DHX34: variants seen among roughly 807,000 people sequenced by gnomAD.
The protein encoded by DHX34 is DExH-box helicase 34.
In DHX34, 96 loss-of-function variants were observed where a neutral mutation model predicts 111.1. The ratio of observed to expected loss-of-function variants is 0.86; its 90% CI spans 0.73 to 1.02. The LOEUF (loss-of-function observed/expected upper bound fraction) is 1.02, where lower values mean the gene tolerates loss of function less well. Among genes scored for constraint, DHX34 ranks in the 50% least tolerant of loss-of-function variants. The pLI is 0.00. For synonymous variants in DHX34, 688 were observed against 670.4 expected (o/e 1.03, Z -0.41); for missense variants, 1,560 against 1,579.9 (o/e 0.99, Z 0.21).
intron 1 of DHX34, among the ~76,000 whole-genome samples, chr19:47,350,420 ATT>A (rs113841688): frequency 0.021 from 2,937 of 137,712 alleles, 41 homozygotes; most frequent in Middle Eastern, 0.044. Context: ...ACAAAAATGA[ATT>A]TTTTTTTTTT....
intron 13 of DHX34, among the ~76,000 whole-genome samples, chr19:47,379,054 G>T (rs1970261519): frequency 6.6e-6 from 1 of 152,054 alleles, no homozygotes. Context: ...GCTTGAACCT[G>T]GGAGGTGGAG....
intron 6 of DHX34, 111 bp from the exon 7 acceptor site, chr19:47,366,870 G>A (rs1038450386): frequency 1.2e-5 from 17 of 1,387,792 alleles, no homozygotes; most frequent in African/African-American, 8.9e-5. Flanking sequence ...CACAACGCCC[G>A]GCCAACACTA....
At chr19:47,355,926 G>A (rs1329457483) in intron 3 of DHX34, among the ~76,000 whole-genome samples, 1 of 152,094 alleles carries the variant, frequency 6.6e-6, no homozygotes, top group African/African-American at 2.4e-5. Context: ...AGTGTGGCTG[G>A]TCCAGGCTGT....
At chr19:47,376,653 A>T in intron 12 of DHX34, 93 bp downstream of exon 12, 1 of 1,498,094 alleles carries the variant, frequency 6.7e-7, no homozygotes, top group Non-Finnish European at 8.9e-7. Context: ...GGGCTCCCAC[A>T]CCGGCCCAGG....
intron 1 of DHX34, among the ~76,000 whole-genome samples, chr19:47,350,363 C>T (rs1969247906): frequency 6.6e-6 from 1 of 151,990 alleles, no homozygotes; most frequent in African/African-American, 2.4e-5. Flanking sequence ...GTGATTGTGC[C>T]ACTGCACTTC....
intron 13 of DHX34, among the ~76,000 whole-genome samples, chr19:47,378,619 C>T (rs925408233): frequency 6.6e-6 from 1 of 152,078 alleles, no homozygotes; most frequent in Non-Finnish European, 1.5e-5. Flanking sequence ...TGTTTGAGCC[C>T]AGGAGTTCAA....
chr19:47,372,727 C>A lies in DHX34; in HGVS notation c.1769-3C>A. 6.3e-7 allele frequency: 1 copy of A among 1,592,428 alleles called. No individual in the cohort carries two copies. On this transcript the variant is annotated splice_region_variant and splice_polypyrimidine_tract_variant and intron_variant, in intron 7 of 16. Transcript: ENST00000328771. ...AGCCTCAACCCCGTGTCCGCCGCTG[C>A]AGGGAAGATGCTGATCCTGGGCTCC... is the stretch of plus-strand genomic sequence containing the variant.
intron 3 of DHX34, among the ~76,000 whole-genome samples, chr19:47,356,653 A>AAG (rs902548725): frequency 2.7e-5 from 4 of 150,680 alleles, no homozygotes; most frequent in East Asian, 2.0e-4. Context: ...AAAGAAAAGA[A>AAG]AGAGAGAGAG....
chr19:47,382,157 C>G lies in DHX34; in HGVS notation c.*44C>G, dbSNP rs371148460. 1.2e-6 allele frequency: 2 copies of G among 1,608,874 alleles called. No homozygotes were observed. Among genetic ancestry groups the G allele is most frequent in the South Asian group, 1.1e-5 (1 of 90,700 alleles). ...CCCACCTCCGTGCAGCTGACCTGCC[C>G]TCCAGCCCAGGACTAGGGGCAGGAC... is the stretch of plus-strand genomic sequence containing the variant. On this transcript the variant is annotated 3_prime_UTR_variant, in exon 17 of 17. Coordinates refer to ENST00000328771, the MANE Select transcript of DHX34 (RefSeq NM_014681.6).
chr19:47,381,507 C>G (rs770833064), intron 16 of DHX34, 183 bp downstream of exon 16: 17 of 848,418 alleles, frequency 2.0e-5, no homozygotes, highest in Non-Finnish European at 3.0e-5. Flanking sequence ...CAGGGAGAGC[C>G]TGGAGCGCCA....
Position 47,376,543 on chromosome 19 carries a change from A to G in DHX34, c.2582A>G (p.Asn861Ser). 6.4e-7 allele frequency: 1 copy of G among 1,567,612 alleles called. No homozygotes were observed. The highest frequency in any genetic ancestry group is 1.9e-5 in the Admixed American group (1 of 53,214). Residue 861 changes from asparagine to serine, a missense_variant, in exon 12 of 17, where the codon AAC (asparagine) becomes AGC (serine). By Grantham distance (46) the Asn-to-Ser change is conservative. Transcript: ENST00000328771. ...CACGCACAGGAGCTGGAGGCCAGCA[A>G]CTGCGACGGAAGCCGAGGTACAGTG... is the stretch of plus-strand genomic sequence containing the variant. ...VLHAQELEAS[N>S]CDGSRDDKDK...
At chr19:47,361,137 G>A (rs766231433) in intron 5 of DHX34, among the ~76,000 whole-genome samples, 2 of 152,092 alleles carry the variant, frequency 1.3e-5, no homozygotes, top group Non-Finnish European at 2.9e-5. Flanking sequence ...TTCATGTATC[G>A]GTTGGCTCAT....
intron 6 of DHX34, among the ~76,000 whole-genome samples, chr19:47,365,784 C>T (rs542632580): frequency 1.1e-4 from 17 of 152,280 alleles, no homozygotes; most frequent in South Asian, 4.1e-4. Context: ...TGTTTGCTTA[C>T]GTATGCCACG....
chr19:47,376,525 A>G lies in DHX34; in HGVS notation c.2564A>G (p.Gln855Arg). The change falls in exon 12 of 17, where the codon CAG becomes CGG. Residue 855 changes from glutamine (Q) to arginine (R), a missense_variant. By Grantham distance (43) the Gln-to-Arg change is conservative. Coordinates refer to ENST00000328771, the MANE Select transcript of DHX34 (RefSeq NM_014681.6). Reference protein sequence around the residue: ...FAGSPEVLHAQELEASNCDGS... With the variant: ...FAGSPEVLHARELEASNCDGS... ...GGCAGCCCCGAGGTGCTGCACGCACAGGAGCTGGAGGCCAGCAACTGCGAC... is the reference window on the plus strand; with the variant it reads ...GGCAGCCCCGAGGTGCTGCACGCACGGGAGCTGGAGGCCAGCAACTGCGAC... 6.3e-7 allele frequency: 1 copy of G among 1,582,266 alleles called. No individual in the cohort carries two copies. Among genetic ancestry groups the G allele is most frequent in the Non-Finnish European group, 8.6e-7 (1 of 1,164,846 alleles).
rs975173510 is a variant in DHX34 at position 47,381,397 on chromosome 19, G to A, written c.3298+73G>A. The A allele has an allele frequency of 5.2e-6, 8 of 1,551,480 alleles. No homozygotes were observed. The South Asian group carries it at 7.1e-5, about 14-fold the overall frequency. On this transcript the variant is annotated intron_variant, in intron 16 of 16. Transcript: ENST00000328771. Reference sequence around the variant, plus strand: ...CCCATCCCATGATGGTCTCCTGTGCGTGTGAGCACTTGCTAGAGCTTCGAG... The same window carrying A: ...CCCATCCCATGATGGTCTCCTGTGCATGTGAGCACTTGCTAGAGCTTCGAG...
At chr19:47,376,969 C>T (rs1293319356) in intron 12 of DHX34, 131 bp from the exon 13 acceptor site, 1 of 1,548,530 alleles carries the variant, frequency 6.5e-7, no homozygotes, top group South Asian at 1.2e-5. Context: ...CTTGTCTGAG[C>T]CAGGCCACCA....
rs752734140 is a variant in DHX34, at chr19:47,362,574, G to GCGGGCCGCA, written c.1481_1489dup (p.Arg494_Gly496dup). ...CAGCGCAGAGCAGCGGAAGGGCCGG[G>GCGGGCCGCA]CGGGCCGCACGGGCCCCGGAGTCTG... On this transcript the variant is annotated inframe_insertion, in exon 6 of 17. Coordinates refer to ENST00000328771, the MANE Select transcript of DHX34 (RefSeq NM_014681.6). The GCGGGCCGCA allele has an allele frequency of 1.9e-6, 3 of 1,613,456 alleles. No homozygotes were observed. Among genetic ancestry groups the GCGGGCCGCA allele is most frequent in the South Asian group, 1.1e-5 (1 of 91,030 alleles).
At chr19:47,370,465 G>A (rs1283579710) in intron 7 of DHX34, among the ~76,000 whole-genome samples, 15 of 152,148 alleles carry the variant, frequency 9.9e-5, no homozygotes, top group Admixed American at 8.5e-4. Context: ...CACTGACTGA[G>A]GCTTGTTCAT....
In DHX34 at chr19:47,375,028, G is replaced by A. The variant is rs561710795; in HGVS notation, c.2065-438G>A. Among the ~76,000 whole-genome samples the A allele has an allele frequency of 1.1e-4, 16 of 152,258 alleles. 1 individual carries two copies. The South Asian group carries it at 2.3e-3, about 22-fold the overall frequency. On this transcript the variant is annotated intron_variant, in intron 9 of 16. Coordinates refer to ENST00000328771, the MANE Select transcript of DHX34 (RefSeq NM_014681.6). ...CTGTTGGGTCCAGATGGCCAACCCC[G>A]CCGAGCCCCCTCCTCTCTCCACTTG...
Sources: allele counts gnomAD v4.1 joint callset (sites outside exome capture counted in the v4.1 genomes callset), GRCh38; gene constraint gnomAD v4.1.1; transcripts MANE v1.5; gene names NCBI Gene and HGNC (gene_info 2026-07-23, HGNC 2026-07-21).